SNX13: variants seen among roughly 807,000 people sequenced by gnomAD.
SNX13 encodes sorting nexin-13.
In SNX13, 45 loss-of-function variants were observed where a neutral mutation model predicts 133.6. The observed-to-expected ratio is 0.34, with a 90% CI of 0.27 to 0.43. SNX13 has a LOEUF of 0.43. Among genes scored for constraint, SNX13 ranks in the 20% least tolerant of loss-of-function variants. The pLI is 1.00. For missense variants in SNX13, 1,032 were observed against 1,145.1 expected, an observed-to-expected ratio of 0.90 and a Z score of 1.43; for synonymous variants, 414 against 373.9, an observed-to-expected ratio of 1.11 and a Z score of -1.24.
At chr7:17,827,184 A>G (rs1343805173) in intron 16 of SNX13, among the ~76,000 whole-genome samples, 2 of 151,986 alleles carry the variant, frequency 1.3e-5, no homozygotes, top group South Asian at 2.1e-4. Context: ...ACCTTTCATG[A>G]TAAGAAATTC....
At chr7:17,916,033 C>G (rs1397977384) in intron 1 of SNX13, among the ~76,000 whole-genome samples, 4 of 152,048 alleles carry the variant, frequency 2.6e-5, no homozygotes, top group Non-Finnish European at 5.9e-5. Flanking sequence ...TACATGGAAA[C>G]TAAACATCCT....
At chr7:17,839,295 T>C (rs1189386104) in intron 13 of SNX13, among the ~76,000 whole-genome samples, 1 of 151,044 alleles carries the variant, frequency 6.6e-6, no homozygotes, top group African/African-American at 2.4e-5. Flanking sequence ...TAAAGTCTTG[T>C]ATATCCTTGA....
chr7:17,914,451 T>C (rs1485324767), intron 1 of SNX13, among the ~76,000 whole-genome samples: 1 of 151,750 alleles, frequency 6.6e-6, no homozygotes, highest in East Asian at 1.9e-4. Flanking sequence ...CCATCCAAAA[T>C]AGAAAAAATC....
chr7:17,846,065 T>C (rs1790482351), intron 11 of SNX13, among the ~76,000 whole-genome samples: 1 of 152,144 alleles, frequency 6.6e-6, no homozygotes. Context: ...AAACTCAACA[T>C]TTTCATGTAT....
chr7:17,883,890 G>A (rs538057342), intron 5 of SNX13, among the ~76,000 whole-genome samples: 2 of 152,142 alleles, frequency 1.3e-5, no homozygotes, highest in African/African-American at 4.8e-5. Context: ...CCCTGCAAAG[G>A]ACATGTACTC....
chr7:17,852,025 CGTA>C (rs1474015610), intron 9 of SNX13, among the ~76,000 whole-genome samples: 5 of 151,878 alleles, frequency 3.3e-5, no homozygotes, highest in Non-Finnish European at 7.4e-5. Flanking sequence ...AGGCCAAAAA[CGTA>C]GGAAAAAAAA....
rs374062518 is a variant in SNX13, at chr7:17,924,440, T to C, written c.12+15844A>G. ...AACAAAAACCACTAAGAGATGCTAC[T>C]TGCGCTCACCAGGATGACTGTAATC... On this transcript the variant is annotated intron_variant, in intron 1 of 25. Coordinates refer to ENST00000428135, the MANE Select transcript of SNX13 (RefSeq NM_015132.5). 1.3e-4 allele frequency among the ~76,000 whole-genome samples: 20 copies of C among 152,308 alleles called. No individual in the cohort carries two copies. In the South Asian group the frequency reaches 2.9e-3, roughly 22 times the overall value.
At chr7:17,833,919 TG>T in intron 15 of SNX13, 132 bp downstream of exon 15, 1 of 568,294 alleles carries the variant, frequency 1.8e-6, no homozygotes, top group Non-Finnish European at 2.6e-6. Context: ...GTCATTCATT[TG>T]TAGATTTTTT....
intron 15 of SNX13, among the ~76,000 whole-genome samples, chr7:17,833,089 C>T (rs1242539323): frequency 6.6e-6 from 1 of 151,440 alleles, no homozygotes; most frequent in Non-Finnish European, 1.5e-5. Context: ...AAATCTTTCC[C>T]ATTTACTTTT....
Position 17,893,401 on chromosome 7 carries a change from T to C in SNX13, c.159A>G (p.Thr53=), listed in dbSNP as rs1461123392. The C allele has an allele frequency of 6.4e-6, 10 of 1,569,534 alleles. No homozygotes were observed. The South Asian group carries it at 1.2e-4, about 18-fold the overall frequency. The change falls in exon 3 of 26, where the codon ACA becomes ACG. Residue 53 remains threonine, a synonymous_variant. Coordinates refer to ENST00000428135, the MANE Select transcript of SNX13 (RefSeq NM_015132.5). ...GLVVTLLFGK[T]NSEKYLEQCE... is the part of the protein sequence containing the mutation. ...ACTGTTCTAGGTACTTCTCTGAGTTTGTTTTTCCAAACAGGAGAGTAACCA... is the reference window on the plus strand; with the variant it reads ...ACTGTTCTAGGTACTTCTCTGAGTTCGTTTTTCCAAACAGGAGAGTAACCA...
At chr7:17,886,607 A>G (rs1290980263) in intron 5 of SNX13, among the ~76,000 whole-genome samples, 1 of 151,902 alleles carries the variant, frequency 6.6e-6, no homozygotes, top group Non-Finnish European at 1.5e-5. Context: ...AAAAGAATAT[A>G]TTATGTACTT....
At chr7:17,827,198 C>T (rs1047866099) in intron 16 of SNX13, among the ~76,000 whole-genome samples, 5 of 152,090 alleles carry the variant, frequency 3.3e-5, no homozygotes, top group East Asian at 1.9e-4. Context: ...GAAATTCCAG[C>T]CATGAGTAAG....
At chr7:17,897,218 G>C in intron 2 of SNX13, 116 bp downstream of exon 2, 2 of 489,658 alleles carry the variant, frequency 4.1e-6, no homozygotes, top group Non-Finnish European at 6.8e-6. Context: ...TTTAGTAAAA[G>C]CAATTTATTA....
intron 5 of SNX13, among the ~76,000 whole-genome samples, chr7:17,876,055 G>T (rs1794690461): frequency 1.3e-5 from 2 of 152,128 alleles, no homozygotes; most frequent in South Asian, 4.1e-4. Context: ...AATAGAAAAA[G>T]AAATTAATTT....
chr7:17,831,695 G>A (rs879346871), intron 15 of SNX13: 106 of 983,662 alleles, frequency 1.1e-4, no homozygotes, highest in Non-Finnish European at 1.2e-4. Context: ...ATTTCAGAAT[G>A]TCTAAAAGGT....
At chr7:17,817,417 A>C (rs1380492765) in intron 18 of SNX13, among the ~76,000 whole-genome samples, 4 of 152,230 alleles carry the variant, frequency 2.6e-5, no homozygotes, top group Non-Finnish European at 5.9e-5. Context: ...TATTTGTTGA[A>C]AACGTCTCTG....
At chr7:17,822,160 T>C (rs1261082537) in intron 17 of SNX13, among the ~76,000 whole-genome samples, 2 of 152,138 alleles carry the variant, frequency 1.3e-5, no homozygotes, top group African/African-American at 4.8e-5. Context: ...TCTTTTTCTT[T>C]GATACGTTCA....
intron 9 of SNX13, among the ~76,000 whole-genome samples, chr7:17,859,612 TA>T (rs909469269): frequency 2.0e-5 from 3 of 152,270 alleles, no homozygotes; most frequent in African/African-American, 4.8e-5. Context: ...ACATTGTTTT[TA>T]AAGAGTTCTC....
At chr7:17,890,886 T>C (rs1357213923) in intron 4 of SNX13, among the ~76,000 whole-genome samples, 2 of 151,910 alleles carry the variant, frequency 1.3e-5, no homozygotes, top group Admixed American at 6.6e-5. Context: ...AAAAAGTTTT[T>C]TTAAAGATTA....
Sources: gnomAD v4.1 joint callset for allele counts (sites outside exome capture counted in the v4.1 genomes callset) on GRCh38, gnomAD v4.1.1 for gene constraint, MANE v1.5 for transcripts, NCBI Gene and HGNC (gene_info 2026-07-23, HGNC 2026-07-21) for gene names.